The following HS3ST2 variants were observed in gnomAD, a reference collection of about 807,000 sequenced individuals.
HS3ST2 encodes heparan sulfate-glucosamine 3-sulfotransferase 2.
In HS3ST2, 17 loss-of-function variants were observed where a neutral mutation model predicts 26.3. That is an observed-to-expected ratio of 0.65 (90% CI 0.44 to 0.97). HS3ST2 has a LOEUF of 0.97. HS3ST2 is among the 50% of genes least tolerant of loss of function. HS3ST2 has a pLI of 0.00. For synonymous variants in HS3ST2, 237 were observed against 219.2 expected (o/e 1.08, Z -0.72); for missense variants, 402 against 501.2 (o/e 0.80, Z 1.89).
intron 1 of HS3ST2, among the ~76,000 whole-genome samples, chr16:22,904,354 C>T (rs1902321490): frequency 6.6e-6 from 1 of 152,108 alleles, no homozygotes; most frequent in Non-Finnish European, 1.5e-5. Context: ...GATTGCATAC[C>T]AGCAGAGGAC....
intron 1 of HS3ST2, among the ~76,000 whole-genome samples, chr16:22,851,022 G>A (rs1221165805): frequency 6.6e-6 from 1 of 152,172 alleles, no homozygotes; most frequent in Non-Finnish European, 1.5e-5. Context: ...TGGCCTTTCT[G>A]TAGGGCCTGG....
Position 22,817,031 on chromosome 16 carries a change from T to C in HS3ST2, c.485+1936T>C, listed in dbSNP as rs528019289. Among the ~76,000 whole-genome samples, 644 of 152,298 alleles carry C rather than the reference T, an allele frequency of 4.2e-3. 3 individuals are homozygous for C. Among genetic ancestry groups the C allele is most frequent in the African/African-American group, 0.015 (620 of 41,558 alleles). The stretch of plus-strand genomic sequence containing the variant: ...GCCCATGTCATTCAGGGATGGCTGC[T>C]TTTTATTTTTAACCTTGGCATGTGT... On this transcript the variant is annotated intron_variant, in intron 1 of 1. Transcript: ENST00000261374.
intron 1 of HS3ST2, among the ~76,000 whole-genome samples, chr16:22,909,849 G>C (rs1488939028): frequency 6.6e-6 from 1 of 152,074 alleles, no homozygotes; most frequent in Non-Finnish European, 1.5e-5. Context: ...AGACCAGCCT[G>C]ACCAACCTGG....
In HS3ST2 at chr16:22,899,052, C is replaced by A. The variant is rs143045017; in HGVS notation, c.486-15892C>A. Among the ~76,000 whole-genome samples the A allele has an allele frequency of 3.6e-3, 555 of 152,278 alleles. 2 individuals carry two copies. The highest frequency in any genetic ancestry group is 0.013 in the African/African-American group (528 of 41,558). On this transcript the variant is annotated intron_variant, in intron 1 of 1. Coordinates refer to ENST00000261374, the MANE Select transcript of HS3ST2 (RefSeq NM_006043.2). Reference sequence around the variant, plus strand: ...AGTGGGGCAGGCTTGCGGAACTCATCCCTGCAAAACCATTAATACCCCCGG... The same window carrying A: ...AGTGGGGCAGGCTTGCGGAACTCATACCTGCAAAACCATTAATACCCCCGG...
intron 1 of HS3ST2, among the ~76,000 whole-genome samples, chr16:22,847,949 G>A (rs1158728547): frequency 6.7e-6 from 1 of 150,026 alleles, no homozygotes; most frequent in Non-Finnish European, 1.5e-5. Context: ...GAAGGAGGGA[G>A]GGAAGAAAAG....
intron 1 of HS3ST2, among the ~76,000 whole-genome samples, chr16:22,896,765 C>CTCTT (rs560849981): frequency 4.3e-4 from 65 of 152,112 alleles, no homozygotes; most frequent in African/African-American, 1.3e-3. Context: ...ACTGTCTTTT[C>CTCTT]TCTTTCTTTC....
chr16:22,862,472 C>A (rs1018075327), intron 1 of HS3ST2, among the ~76,000 whole-genome samples: 9 of 152,330 alleles, frequency 5.9e-5, no homozygotes, highest in Middle Eastern at 3.4e-3. Context: ...ATTGCTATCT[C>A]ACACATTTCT....
intron 1 of HS3ST2, among the ~76,000 whole-genome samples, chr16:22,889,564 T>C (rs1201430252): frequency 6.6e-6 from 1 of 152,184 alleles, no homozygotes; most frequent in African/African-American, 2.4e-5. Flanking sequence ...TTGGTAAGTA[T>C]AATACAAATA....
intron 1 of HS3ST2, among the ~76,000 whole-genome samples, chr16:22,906,401 A>T (rs1902353570): frequency 6.6e-6 from 1 of 152,084 alleles, no homozygotes; most frequent in Admixed American, 6.5e-5. Flanking sequence ...ATAAAATTTC[A>T]GGTACCTGGG....
intron 1 of HS3ST2, among the ~76,000 whole-genome samples, chr16:22,829,243 G>A (rs1901134930): frequency 6.6e-6 from 1 of 152,180 alleles, no homozygotes; most frequent in Non-Finnish European, 1.5e-5. Context: ...AGTAGTGACG[G>A]CATCACAAAC....
chr16:22,829,812 AGT>A (rs1304141982), intron 1 of HS3ST2, among the ~76,000 whole-genome samples: 1 of 152,208 alleles, frequency 6.6e-6, no homozygotes, highest in East Asian at 1.9e-4. Context: ...GTGATAAGAA[AGT>A]GTTTGATTTT....
At chr16:22,911,668 T>A (rs1902426171) in intron 1 of HS3ST2, among the ~76,000 whole-genome samples, 1 of 152,202 alleles carries the variant, frequency 6.6e-6, no homozygotes, top group South Asian at 2.1e-4. Flanking sequence ...TCTGCCTTCA[T>A]CTTCAGGTCA....
intron 1 of HS3ST2, among the ~76,000 whole-genome samples, chr16:22,858,707 C>T (rs763361087): frequency 4.6e-5 from 7 of 152,186 alleles, no homozygotes; most frequent in Non-Finnish European, 8.8e-5. Flanking sequence ...ACCTCAGACA[C>T]GTCTCTTGAC....
chr16:22,821,681 G>A (rs1329379440), intron 1 of HS3ST2, among the ~76,000 whole-genome samples: 1 of 152,116 alleles, frequency 6.6e-6, no homozygotes, highest in Non-Finnish European at 1.5e-5. Flanking sequence ...CATTGGCCAG[G>A]CTTGGTGCCA....
At chr16:22,816,973 A>G (rs1370602512) in intron 1 of HS3ST2, among the ~76,000 whole-genome samples, 5 of 152,104 alleles carry the variant, frequency 3.3e-5, no homozygotes, top group Middle Eastern at 3.4e-3. Flanking sequence ...TCCTTCCACC[A>G]CTAAACAGCA....
chr16:22,910,003 C>T (rs1366769113), intron 1 of HS3ST2, among the ~76,000 whole-genome samples: 1 of 138,400 alleles, frequency 7.2e-6, no homozygotes, highest in African/African-American at 2.7e-5. Context: ...TGCCATTGCA[C>T]TCCAACCTGG....
At chr16:22,857,156 G>A (rs1410950850) in intron 1 of HS3ST2, among the ~76,000 whole-genome samples, 1 of 152,044 alleles carries the variant, frequency 6.6e-6, no homozygotes, top group African/African-American at 2.4e-5. Flanking sequence ...AATCAGTTAG[G>A]TTTCAATCCC....
At chr16:22,840,394 T>C (rs1901334847) in intron 1 of HS3ST2, among the ~76,000 whole-genome samples, 1 of 152,112 alleles carries the variant, frequency 6.6e-6, no homozygotes, top group South Asian at 2.1e-4. Context: ...CTTTTTTTTT[T>C]TTTCTTGAGA....
intron 1 of HS3ST2, among the ~76,000 whole-genome samples, chr16:22,864,480 T>C (rs1376989533): frequency 6.6e-6 from 1 of 152,082 alleles, no homozygotes; most frequent in Admixed American, 6.5e-5. Context: ...CAGGAGAGAC[T>C]GTTTGATGTA....
Sources: allele counts gnomAD v4.1 joint callset (sites outside exome capture counted in the v4.1 genomes callset), GRCh38; gene constraint gnomAD v4.1.1; transcripts MANE v1.5; gene names NCBI Gene and HGNC (gene_info 2026-07-23, HGNC 2026-07-21).